ANKS1A: variants seen among roughly 807,000 people sequenced by gnomAD.
The protein encoded by ANKS1A is ankyrin repeat and SAM domain-containing protein 1A.
A neutral mutation model predicts 120.3 loss-of-function variants in ANKS1A; 55 were observed. The ratio of observed to expected loss-of-function variants is 0.46; its 90% CI spans 0.37 to 0.57. The LOEUF is 0.57. ANKS1A is among the 20% of genes least tolerant of loss of function. The pLI, the probability that ANKS1A is intolerant of heterozygous loss-of-function variation, is 0.00. For missense variants in ANKS1A, 1,123 were observed against 1,480.3 expected (o/e 0.76, Z 3.96); for synonymous variants, 590 against 604.7 (o/e 0.98, Z 0.36).
In ANKS1A at chr6:35,060,152, C is replaced by T. The variant is rs776379008; in HGVS notation, c.2083C>T (p.Arg695Trp). ...GCCGATTCCTCTCTCATCAGGTTTA[C>T]GGACGCTGGAGCAGAGTGTCGGGGA... ...SQERQKISGL[R>W]TLEQSVGEWL... Residue 695 changes from arginine (R) to tryptophan (W), a missense_variant, in exon 13 of 24, where the codon CGG becomes TGG. Arg to Trp is a moderately radical substitution (Grantham distance 101, BLOSUM62 -3). This residue lies in a region of ANKS1A where 904 missense variants were observed against 1,130.4 expected (regional missense o/e 0.80). Coordinates refer to ENST00000360359, the MANE Select transcript of ANKS1A (RefSeq NM_015245.3). The surrounding 1 kb of genome is among the most constrained non-coding windows in gnomAD (Gnocchi z 4.5). The T allele has an allele frequency of 1.2e-5, 19 of 1,613,034 alleles. No individual in the cohort carries two copies. The highest frequency in any genetic ancestry group is 1.4e-5 in the Non-Finnish European group (17 of 1,179,610).
chr6:34,999,964 CAG>C (rs1269027266), intron 10 of ANKS1A, among the ~76,000 whole-genome samples: 1 of 151,756 alleles, frequency 6.6e-6, no homozygotes, highest in African/African-American at 2.4e-5. Flanking sequence ...GAGAGAGAGA[CAG>C]AAAGTCAAAG....
rs1219641599 is a variant in ANKS1A, at chr6:35,085,849, G to A, written c.3216G>A (p.Arg1072=). Residue 1072 remains arginine, a synonymous_variant, in exon 22 of 24, where the codon AGG becomes AGA. Transcript: ENST00000360359. The surrounding 1 kb of genome is among the most constrained non-coding windows in gnomAD (Gnocchi z 4.7). The stretch of plus-strand genomic sequence containing the variant: ...TGGCCCTGCAGGCCCAGAAGTCCAG[G>A]GCGACGGGCGCCTCTGCAGCTGAGA... The part of the protein sequence containing the change: ...YQLALQAQKS[R]ATGASAAEMI... The A allele has an allele frequency of 1.2e-6, 2 of 1,613,678 alleles. No individual in the cohort carries two copies. Among genetic ancestry groups the A allele is most frequent in the East Asian group, 2.2e-5 (1 of 44,856 alleles).
chr6:34,896,347 A>G (rs1455446953), intron 1 of ANKS1A, among the ~76,000 whole-genome samples: 7 of 152,072 alleles, frequency 4.6e-5, no homozygotes, highest in African/African-American at 1.7e-4. Flanking sequence ...TGGAATTACT[A>G]CAGGTGTGAG....
intron 1 of ANKS1A, among the ~76,000 whole-genome samples, chr6:34,965,409 T>C (rs909612515): frequency 5.3e-5 from 8 of 152,180 alleles, no homozygotes; most frequent in African/African-American, 1.9e-4. Context: ...TGGAGTGTAG[T>C]GGCACGATCT....
intron 11 of ANKS1A, among the ~76,000 whole-genome samples, chr6:35,046,695 C>G (rs1775736483): frequency 6.6e-6 from 1 of 152,170 alleles, no homozygotes; most frequent in Admixed American, 6.5e-5. Flanking sequence ...CATCAGTACT[C>G]TCATCCCCAA....
chr6:35,029,607 C>T lies in ANKS1A; in HGVS notation c.2010+11548C>T, dbSNP rs183383599. Among the ~76,000 whole-genome samples the T allele has an allele frequency of 2.3e-4, 35 of 151,826 alleles. No homozygotes were observed. The East Asian group carries it at 3.7e-3, about 16-fold the overall frequency. ...TCAGGTGATCCACCCACCTGGGCCT[C>T]CCAAATTGCTGGGATTACAGGCGTG... On this transcript the variant is annotated intron_variant, in intron 11 of 23. Transcript: ENST00000360359.
intron 11 of ANKS1A, 152 bp downstream of exon 11, chr6:35,018,211 A>G: frequency 2.6e-6 from 2 of 780,088 alleles, no homozygotes; most frequent in South Asian, 1.8e-5. Flanking sequence ...GACAATCGTA[A>G]GAAGAGGCGA....
chr6:34,945,162 AC>A lies in ANKS1A; in HGVS notation c.198-22075del, dbSNP rs1769727482. 3.9e-5 allele frequency among the ~76,000 whole-genome samples: 6 copies of A among 152,040 alleles called. No individual in the cohort carries two copies. The South Asian group carries it at 1.0e-3, about 26-fold the overall frequency. On this transcript the variant is annotated intron_variant, in intron 1 of 23. Coordinates refer to ENST00000360359, the MANE Select transcript of ANKS1A (RefSeq NM_015245.3). ...GAGAACACAGCTTACTGCAGCCTTG[AC>A]CTCCCAGGCTCAAGTGATTCTTCTG...
At chr6:35,059,645 C>T (rs1458492489) in intron 12 of ANKS1A, among the ~76,000 whole-genome samples, 2 of 152,184 alleles carry the variant, frequency 1.3e-5, no homozygotes, top group Non-Finnish European at 1.5e-5. Context: ...TGCAAGGTCG[C>T]AGAACTTGCC....
chr6:34,891,044 A>T (rs1029120476), intron 1 of ANKS1A, among the ~76,000 whole-genome samples: 1 of 152,222 alleles, frequency 6.6e-6, no homozygotes, highest in Non-Finnish European at 1.5e-5. Flanking sequence ...TGGATGGTGG[A>T]TGGTATTACT....
chr6:34,974,882 A>G (rs1246938795), intron 3 of ANKS1A, among the ~76,000 whole-genome samples: 1 of 152,212 alleles, frequency 6.6e-6, no homozygotes, highest in Non-Finnish European at 1.5e-5. Context: ...TTACTAGTAG[A>G]TGACGCTTAA....
chr6:35,068,140 C>T (rs1561952690), intron 13 of ANKS1A, among the ~76,000 whole-genome samples: 2 of 152,254 alleles, frequency 1.3e-5, no homozygotes, highest in East Asian at 1.9e-4. Flanking sequence ...GTGATCCACT[C>T]GCCTCAGCCT....
intron 9 of ANKS1A, among the ~76,000 whole-genome samples, chr6:34,991,213 T>G (rs1772486708): frequency 6.6e-6 from 1 of 152,168 alleles, no homozygotes; most frequent in African/African-American, 2.4e-5. Context: ...AGAGTATACC[T>G]AGCTCTAGGA....
chr6:35,095,594 G>GAGAA (rs1309242902), downstream of ANKS1A, among the ~76,000 whole-genome samples: 4 of 89,706 alleles, frequency 4.5e-5, no homozygotes, highest in East Asian at 8.1e-4. Flanking sequence ...GAAAGAAAGA[G>GAGAA]AGAAAGAAAG....
At chr6:35,035,135 C>T (rs538272615) in intron 11 of ANKS1A, among the ~76,000 whole-genome samples, 8 of 152,296 alleles carry the variant, frequency 5.3e-5, no homozygotes, top group African/African-American at 1.7e-4. Context: ...GGACCGTGCA[C>T]TTTACTTTAT....
At chr6:35,094,831 G>C (rs1194554905), downstream of ANKS1A, among the ~76,000 whole-genome samples, 3 of 143,394 alleles carry the variant, frequency 2.1e-5, no homozygotes, top group Non-Finnish European at 1.5e-5. Context: ...ACGAAGAAGA[G>C]GGAAAAAGAG....
chr6:34,992,984 G>A (rs1212969862), intron 9 of ANKS1A, among the ~76,000 whole-genome samples: 3 of 152,124 alleles, frequency 2.0e-5, no homozygotes, highest in Non-Finnish European at 4.4e-5. Context: ...ATGTCAGTAT[G>A]GAAGGAAATC....
At chr6:35,034,354 G>A (rs1195339124) in intron 11 of ANKS1A, among the ~76,000 whole-genome samples, 2 of 152,166 alleles carry the variant, frequency 1.3e-5, no homozygotes, top group East Asian at 3.9e-4. Context: ...GAATAGTGTG[G>A]GATCAGCTAT....
chr6:34,998,571 A>G (rs1048077883), intron 10 of ANKS1A, among the ~76,000 whole-genome samples: 9 of 152,100 alleles, frequency 5.9e-5, no homozygotes, highest in Non-Finnish European at 1.3e-4. Flanking sequence ...ATAGAAAGAC[A>G]TTGTAAAACT....
Sources: gnomAD v4.1 joint callset for allele counts (sites outside exome capture counted in the v4.1 genomes callset) on GRCh38, gnomAD v4.1.1 for gene constraint, gnomAD v4.1.1 regional missense constraint, Gnocchi (gnomAD v3.1) non-coding constraint, MANE v1.5 for transcripts, NCBI Gene and HGNC (gene_info 2026-07-23, HGNC 2026-07-21) for gene names.